The following SLC39A14 variants were observed in gnomAD, a reference collection of about 807,000 sequenced individuals.
SLC39A14 encodes the protein solute carrier family 39 member 14, also known as metal cation symporter ZIP14.
SLC39A14 carries 19 observed loss-of-function variants against 45.5 expected under a neutral mutation model. The ratio of observed to expected loss-of-function variants is 0.42; its 90% CI spans 0.29 to 0.61. SLC39A14 has a LOEUF of 0.61. SLC39A14 is among the 20% of genes least tolerant of loss of function. The pLI, the probability that SLC39A14 is intolerant of heterozygous loss-of-function variation, is 0.22. For synonymous variants in SLC39A14, 264 were observed against 251.3 expected, an observed-to-expected ratio of 1.05 and a Z score of -0.48; for missense variants, 447 against 616.5, an observed-to-expected ratio of 0.73 and a Z score of 2.91.
At chr8:22,377,436 G>A in intron 1 of SLC39A14, among the ~76,000 whole-genome samples, 1 of 152,238 alleles carries the variant, frequency 6.6e-6, no homozygotes, top group Non-Finnish European at 1.5e-5. Context: ...TGGTTGCTAG[G>A]TATGTTCATT....
intron 1 of SLC39A14, among the ~76,000 whole-genome samples, chr8:22,391,664 G>A (rs1179424913): frequency 4.6e-5 from 7 of 151,902 alleles, no homozygotes; most frequent in East Asian, 1.9e-4. Flanking sequence ...TCTGTCTCCC[G>A]GGTTCAAGCA....
intron 3 of SLC39A14, chr8:22,409,974 A>G (rs1306478861): frequency 1.2e-6 from 2 of 1,613,816 alleles, no homozygotes; most frequent in African/African-American, 1.3e-5. Context: ...TCAGTGTCTC[A>G]CTGATTAACC....
In SLC39A14 at chr8:22,420,720, A is replaced by G; in HGVS notation, c.*1022A>G. 1.0e-6 allele frequency: 1 copy of G among 985,426 alleles called. No homozygotes were observed. The highest frequency in any genetic ancestry group is 4.7e-5 in the South Asian group (1 of 21,288). 61.0% of individuals were successfully genotyped at this position (985,426 alleles called of 1,614,324 possible). A position where few individuals can be genotyped will look rare whatever the true frequency, so the allele number is the denominator to read the frequency against. On this transcript the variant is annotated 3_prime_UTR_variant, in exon 9 of 9. Transcript: ENST00000381237. ...GACAAGGGTAATCAGAAATGGAATC[A>G]GTGCAGGCAAAATTTAGGATTTGCC...
rs1224273823 is a variant in SLC39A14 at position 22,417,803 on chromosome 8, G to C, written c.1300G>C (p.Gly434Arg). The change falls in exon 8 of 9, where the codon GGA becomes CGA. Residue 434 changes from glycine (G) to arginine (R), a missense_variant. This residue lies in a region of SLC39A14 where 105 missense variants were observed against 188.4 expected (regional missense o/e 0.56). Coordinates refer to ENST00000381237, the MANE Select transcript of SLC39A14 (RefSeq NM_001128431.4). ...SANWIFALAGGMFLYISLADM... is the reference protein window; with the variant it reads ...SANWIFALAGRMFLYISLADM... Reference sequence around the variant, plus strand: ...CAACTGGATTTTTGCGCTAGCTGGAGGAATGTTCTTGTATATTTCTCTGGC... The same window carrying C: ...CAACTGGATTTTTGCGCTAGCTGGACGAATGTTCTTGTATATTTCTCTGGC... 1 of 1,614,150 alleles carries C rather than the reference G, an allele frequency of 6.2e-7. No individual in the cohort carries two copies.
chr8:22,416,131 T>A lies in SLC39A14; in HGVS notation c.998T>A (p.Ile333Asn). 6.2e-7 allele frequency: 1 copy of A among 1,614,126 alleles called. No individual in the cohort carries two copies. The highest frequency in any genetic ancestry group is 8.5e-7 in the Non-Finnish European group (1 of 1,180,004). ...YWLKGVRYSD[I>N]GTLAWMITLS... ...CTGAAAGGTGTCCGCTACTCTGATA[T>A]CGGCACTCTGGCCTGGATGATCACT... is the stretch of plus-strand genomic sequence containing the variant. Residue 333 changes from isoleucine (I) to asparagine (N), a missense_variant, in exon 7 of 9, where the codon ATC (isoleucine) becomes AAC (asparagine). Ile to Asn is a moderately radical substitution (Grantham distance 149). Coordinates refer to ENST00000381237, the MANE Select transcript of SLC39A14 (RefSeq NM_001128431.4).
At chr8:22,374,740 CTT>C (rs67116858) in intron 1 of SLC39A14, among the ~76,000 whole-genome samples, 227 of 104,006 alleles carry the variant, frequency 2.2e-3, no homozygotes, top group African/African-American at 6.7e-3. Flanking sequence ...CCAGCCTGCT[CTT>C]TTTTTTTTTT....
At chr8:22,431,286 C>T (rs916326337) in intron 8 of SLC39A14, among the ~76,000 whole-genome samples, 1 of 152,136 alleles carries the variant, frequency 6.6e-6, no homozygotes, top group Non-Finnish European at 1.5e-5. Context: ...CGTGCCTGGC[C>T]TATATAGTGC....
At chr8:22,384,873 A>G (rs961823057) in intron 1 of SLC39A14, among the ~76,000 whole-genome samples, 2 of 152,162 alleles carry the variant, frequency 1.3e-5, no homozygotes, top group Non-Finnish European at 2.9e-5. Context: ...AACAAGGTGA[A>G]ACCCCGTCTC....
chr8:22,396,709 GT>G (rs112051827), intron 1 of SLC39A14, among the ~76,000 whole-genome samples: 45 of 144,712 alleles, frequency 3.1e-4, no homozygotes, highest in South Asian at 8.8e-4. Flanking sequence ...CAGGTGCACC[GT>G]TTTTTTTTTT....
At chr8:22,402,118 A>G (rs1014373452) in intron 1 of SLC39A14, among the ~76,000 whole-genome samples, 5 of 152,046 alleles carry the variant, frequency 3.3e-5, no homozygotes, top group Non-Finnish European at 1.5e-5. Context: ...GCAGTAGCTC[A>G]CGCCTGTAAT....
chr8:22,419,591 A>G lies in SLC39A14; in HGVS notation c.1372A>G (p.Lys458Glu), dbSNP rs1447345363. The G allele has an allele frequency of 3.1e-6, 5 of 1,614,110 alleles. No homozygotes were observed. The highest frequency in any genetic ancestry group is 4.2e-6 in the Non-Finnish European group (5 of 1,180,004). ...MNEVCQEDER[K>E]GSILIPFIIQ... ...TGAGGTCTGTCAAGAGGATGAAAGGAAGGGCAGCATCTTGATTCCATTTAT... is the reference window on the plus strand; with the variant it reads ...TGAGGTCTGTCAAGAGGATGAAAGGGAGGGCAGCATCTTGATTCCATTTAT... The change falls in exon 9 of 9, where the codon AAG becomes GAG. Residue 458 changes from lysine to glutamate, a missense_variant. Transcript: ENST00000381237.
intron 1 of SLC39A14, among the ~76,000 whole-genome samples, chr8:22,404,153 G>C (rs1007509245): frequency 1.3e-5 from 2 of 152,160 alleles, no homozygotes; most frequent in Non-Finnish European, 2.9e-5. Flanking sequence ...GCCGGGTGCA[G>C]TGGCTCACGC....
intron 2 of SLC39A14, among the ~76,000 whole-genome samples, chr8:22,407,951 G>A (rs552874889): frequency 2.5e-4 from 38 of 152,018 alleles, no homozygotes; most frequent in African/African-American, 3.4e-4. Flanking sequence ...CAAGTGATCC[G>A]CCTGCCTTGG....
At chr8:22,414,734 A>G in intron 4 of SLC39A14, 46 bp from the exon 5 acceptor site, 1 of 1,575,066 alleles carries the variant, frequency 6.3e-7, no homozygotes, top group Non-Finnish European at 8.6e-7. Flanking sequence ...ATCAGTAAAG[A>G]TGCTTTATTT....
At chr8:22,390,695 G>C (rs1834024713) in intron 1 of SLC39A14, 1 of 154,998 alleles carries the variant, frequency 6.5e-6, no homozygotes, top group Non-Finnish European at 1.4e-5. Context: ...CAGCTGAAAG[G>C]CTTTTTAAAA....
In SLC39A14 at chr8:22,416,294, C is replaced by G. The variant is rs1197307057; in HGVS notation, c.1147+14C>G. The G allele has an allele frequency of 1.2e-6, 2 of 1,610,194 alleles. No individual in the cohort carries two copies. The highest frequency in any genetic ancestry group is 1.7e-6 in the Non-Finnish European group (2 of 1,178,136). On this transcript the variant is annotated intron_variant, in intron 7 of 8. Coordinates refer to ENST00000381237, the MANE Select transcript of SLC39A14 (RefSeq NM_001128431.4). ...CACATGAGCTAGGTAAGCGTGCGTCCCCCGTTCCACTGGTGCTCCCTTGGG... is the reference window on the plus strand; with the variant it reads ...CACATGAGCTAGGTAAGCGTGCGTCGCCCGTTCCACTGGTGCTCCCTTGGG...
intron 7 of SLC39A14, 82 bp downstream of exon 7, chr8:22,416,362 A>G: frequency 8.6e-7 from 1 of 1,161,348 alleles, no homozygotes; most frequent in East Asian, 2.4e-5. Context: ...CCTTGCTCCC[A>G]TCTCCCTGTC....
At chr8:22,374,866 C>T (rs1416562605) in intron 1 of SLC39A14, among the ~76,000 whole-genome samples, 1 of 151,772 alleles carries the variant, frequency 6.6e-6, no homozygotes, top group East Asian at 1.9e-4. Flanking sequence ...CCATCACAGC[C>T]TCCCAGGTAG....
intron 1 of SLC39A14, among the ~76,000 whole-genome samples, chr8:22,381,049 C>T (rs1452044032): frequency 6.6e-6 from 1 of 151,830 alleles, no homozygotes; most frequent in Non-Finnish European, 1.5e-5. Context: ...TCTTGGCTCA[C>T]CACAACTTCC....
Sources: gnomAD v4.1 joint callset for allele counts (sites outside exome capture counted in the v4.1 genomes callset) on GRCh38, gnomAD v4.1.1 for gene constraint, gnomAD v4.1.1 regional missense constraint, MANE v1.5 for transcripts, NCBI Gene and HGNC (gene_info 2026-07-23, HGNC 2026-07-21) for gene names.